The following INHBA variants were observed in gnomAD, a reference collection of about 807,000 sequenced individuals.
INHBA encodes inhibin beta A chain.
Under a neutral mutation model 29.0 loss-of-function variants are expected in INHBA, and 1 was observed. The observed-to-expected ratio is 0.03, with a 90% CI of 0.01 to 0.16. The LOEUF (loss-of-function observed/expected upper bound fraction) is 0.16, where lower values mean the gene tolerates loss of function less well. Among genes scored for constraint, INHBA ranks in the 10% least tolerant of loss-of-function variants. The probability of loss-of-function intolerance (pLI) is 1.00; values close to 1 mark genes in which losing one functional copy is unlikely to be tolerated. For synonymous variants in INHBA, 242 were observed against 216.8 expected (o/e 1.12, Z -1.02); for missense variants, 376 against 545.4 (o/e 0.69, Z 3.09).
intron 2 of INHBA, 50 bp downstream of exon 2, chr7:41,699,937 A>ACCCCCC: frequency 3.9e-6 from 1 of 255,224 alleles, no homozygotes; most frequent in Admixed American, 4.4e-5. Context: ...AATATATTTT[A>ACCCCCC]CCCTCCCACC....
At chr7:41,690,594 C>A (rs1473115718) in intron 2 of INHBA, 52 bp from the exon 3 acceptor site, 1 of 1,481,324 alleles carries the variant, frequency 6.8e-7, no homozygotes. Context: ...TTAATTCCAA[C>A]ATTTACATGC....
At chr7:41,701,711 A>G (rs1794800615) in intron 1 of INHBA, among the ~76,000 whole-genome samples, 1 of 152,178 alleles carries the variant, frequency 6.6e-6, no homozygotes, top group Non-Finnish European at 1.5e-5. Flanking sequence ...CTTTTATAAA[A>G]AGAGTGCACT....
At position 41,700,411 on chromosome 7, in the gene INHBA, A is replaced by C. The variant is rs1310190027; in HGVS notation, c.-37T>G. 8.6e-6 allele frequency: 12 copies of C among 1,396,704 alleles called. No individual in the cohort carries two copies. Among genetic ancestry groups the C allele is most frequent in the Non-Finnish European group, 1.0e-5 (11 of 1,073,200 alleles). 86.5% of individuals were successfully genotyped at this position (1,396,704 alleles called of 1,614,324 possible). A position where few individuals can be genotyped will look rare whatever the true frequency, so the allele number is the denominator to read the frequency against. ...AAGTTGTTGTGATTGCCTTTTTAAA[A>C]GGCCCTGCTTTTCCTCCCCCCTCAC... On this transcript the variant is annotated 5_prime_UTR_variant, in exon 2 of 3. Transcript: ENST00000242208.
At chr7:41,691,747 T>G (rs1205951546) in intron 2 of INHBA, 1 of 152,298 alleles carries the variant, frequency 6.6e-6, no homozygotes, top group Non-Finnish European at 1.5e-5. Flanking sequence ...TGGTTTAGAA[T>G]GCCCGGGGTC....
intron 2 of INHBA, among the ~76,000 whole-genome samples, chr7:41,697,945 T>C (rs1474548566): frequency 6.6e-6 from 1 of 152,106 alleles, no homozygotes; most frequent in Non-Finnish European, 1.5e-5. Flanking sequence ...AAATAAGCAA[T>C]TGTAATAAGT....
rs373351499 is a variant in INHBA at position 41,690,223 on chromosome 7, G to A, written c.708C>T (p.Ser236=). 18 of 1,613,848 alleles carry A rather than the reference G, an allele frequency of 1.1e-5. No individual in the cohort carries two copies. The African/African-American group carries it at 2.4e-4, about 22-fold the overall frequency. Residue 236 remains serine (S), a synonymous_variant, in exon 3 of 3, where the codon AGC becomes AGT. Transcript: ENST00000242208. ...CACAGGCAATCCGAACGTCCAGGGA[G>A]CTCTTGCCCTGGTCCAGCAACCGCT... ...SIQRLLDQGK[S]SLDVRIACEQ...
Position 41,690,032 on chromosome 7 carries a change from G to T in INHBA, c.899C>A (p.Ser300Tyr). 6.2e-7 allele frequency: 1 copy of T among 1,614,098 alleles called. No homozygotes were observed. Among genetic ancestry groups the T allele is most frequent in the East Asian group, 2.2e-5 (1 of 44,842 alleles). Residue 300 changes from serine (S) to tyrosine (Y), a missense_variant, in exon 3 of 3, where the codon TCT becomes TAT. Around this residue, in one of 4 missense-constraint regions of INHBA, gnomAD observed 253 missense variants for 313.4 expected, o/e 0.81. Transcript: ENST00000242208. ...RPFLMLQARQSEDHPHRRRRR... is the reference protein window; with the variant it reads ...RPFLMLQARQYEDHPHRRRRR... ...ACGCCGGCGATGAGGGTGGTCTTCA[G>T]ACTGCCGGGCCTGCAGCATGAGGAA...
At chr7:41,700,847 G>GAGAGAGAGAGAA (rs1794771169) in intron 1 of INHBA, among the ~76,000 whole-genome samples, 1 of 75,172 alleles carries the variant, frequency 1.3e-5, no homozygotes, top group Admixed American at 1.0e-4. Context: ...AAGGAAGAGA[G>GAGAGAGAGAGAA]AGAGAGAGAG....
chr7:41,689,617 C>T lies in INHBA; in HGVS notation c.*33G>A. 4 of 1,503,308 alleles carry T rather than the reference C, an allele frequency of 2.7e-6. No individual in the cohort carries two copies. The highest frequency in any genetic ancestry group is 3.5e-6 in the Non-Finnish European group (4 of 1,129,358). The allele number at this position is 1,503,308 out of a possible 1,614,324, so 93.1% of individuals were successfully genotyped here. A position where few individuals can be genotyped will look rare whatever the true frequency, so the allele number is the denominator to read the frequency against. ...TTTTGCCACTGTCTTCTCTGGACAA[C>T]TCTTGCTCCCTTTCCCCCTGGGCTG... is the stretch of plus-strand genomic sequence containing the variant. On this transcript the variant is annotated 3_prime_UTR_variant, in exon 3 of 3. Transcript: ENST00000242208.
chr7:41,689,916 T>G lies in INHBA; in HGVS notation c.1015A>C (p.Ile339Leu). Reference protein sequence around the residue: ...SFKDIGWNDWIIAPSGYHANY... With the variant: ...SFKDIGWNDWLIAPSGYHANY... ...GCATGATAGCCAGAGGGAGCAATGA[T>G]CCAGTCATTCCAGCCGATGTCCTTG... The change falls in exon 3 of 3, where the codon ATC becomes CTC. Residue 339 changes from isoleucine to leucine, a missense_variant. Physicochemically the swap from Ile to Leu is conservative, Grantham distance 5 (BLOSUM62 2). Transcript: ENST00000242208. 1.2e-6 allele frequency: 2 copies of G among 1,613,992 alleles called. No individual in the cohort carries two copies. Among genetic ancestry groups the G allele is most frequent in the Non-Finnish European group, 1.7e-6 (2 of 1,180,040 alleles).
Position 41,690,213 on chromosome 7 carries a change from C to T in INHBA, c.718G>A (p.Val240Ile), listed in dbSNP as rs1229001644. Reference protein sequence around the residue: ...LLDQGKSSLDVRIACEQCQES... With the variant: ...LLDQGKSSLDIRIACEQCQES... ...TGGCACTGCTCACAGGCAATCCGAA[C>T]GTCCAGGGAGCTCTTGCCCTGGTCC... Residue 240 changes from valine to isoleucine, a missense_variant, in exon 3 of 3, where the codon GTT (valine) becomes ATT (isoleucine). By Grantham distance (29) the Val-to-Ile change is conservative. Transcript: ENST00000242208. 5 of 1,614,042 alleles carry T rather than the reference C, an allele frequency of 3.1e-6. No individual in the cohort carries two copies. The highest frequency in any genetic ancestry group is 1.3e-5 in the African/African-American group (1 of 75,026).
In INHBA at chr7:41,685,328, A is replaced by G. The variant is rs544079404; in HGVS notation, c.*4322T>C. 10 of 152,258 alleles carry G rather than the reference A, an allele frequency of 6.6e-5. No homozygotes were observed. Among genetic ancestry groups the G allele is most frequent in the Non-Finnish European group, 1.3e-4 (9 of 67,972 alleles). The allele number at this position is 152,258 out of a possible 1,614,324, so 9.4% of individuals were successfully genotyped here. On this transcript the variant is annotated 3_prime_UTR_variant, in exon 3 of 3. Transcript: ENST00000242208. ...TAAACATATTGTAAATAAAAAAATT[A>G]CCAGTACTTCTACACAATAAATATT... is the stretch of plus-strand genomic sequence containing the variant.
rs552665722 is a variant in INHBA at position 41,700,430 on chromosome 7, C to G, written c.-56G>C. On this transcript the variant is annotated 5_prime_UTR_variant, in exon 2 of 3. Coordinates refer to ENST00000242208, the MANE Select transcript of INHBA (RefSeq NM_002192.4). Reference sequence around the variant, plus strand: ...TTTAAAAGGCCCTGCTTTTCCTCCCCCCTCACGCGCAGGTTTTTTTGTGTG... The same window carrying G: ...TTTAAAAGGCCCTGCTTTTCCTCCCGCCTCACGCGCAGGTTTTTTTGTGTG... 83 of 1,354,710 alleles carry G rather than the reference C, an allele frequency of 6.1e-5. No homozygotes were observed. The South Asian group carries it at 1.6e-3, about 25-fold the overall frequency. The allele number at this position is 1,354,710 out of a possible 1,614,324, so 83.9% of individuals were successfully genotyped here.
Position 41,689,866 on chromosome 7 carries a change from C to T in INHBA, c.1065G>A (p.Pro355=), listed in dbSNP as rs778119642. ...YHANYCEGEC[P]SHIAGTSGSS... ...ACCCGGACGTGCCTGCTATATGGCTCGGGCACTCACCCTCGCAGTAGTTGG... is the reference window on the plus strand; with the variant it reads ...ACCCGGACGTGCCTGCTATATGGCTTGGGCACTCACCCTCGCAGTAGTTGG... The change falls in exon 3 of 3, where the codon CCG becomes CCA. Residue 355 remains proline, a synonymous_variant. Coordinates refer to ENST00000242208, the MANE Select transcript of INHBA (RefSeq NM_002192.4). The T allele has an allele frequency of 9.3e-6, 15 of 1,614,010 alleles. No individual in the cohort carries two copies. The highest frequency in any genetic ancestry group is 2.7e-5 in the African/African-American group (2 of 75,014).
At chr7:41,705,218 C>A (rs1432411693), upstream of INHBA, 1 of 153,314 alleles carries the variant, frequency 6.5e-6, no homozygotes, top group African/African-American at 2.4e-5. Context: ...TTCACTTCCC[C>A]CTCCCCCGGA....
Position 41,693,826 on chromosome 7 carries a change from C to G in INHBA, c.389-3284G>C, listed in dbSNP as rs1042322224. 11 of 152,148 alleles carry G rather than the reference C, an allele frequency of 7.2e-5. 1 individual carries two copies. Among genetic ancestry groups the G allele is most frequent in the Non-Finnish European group, 1.5e-5 (1 of 68,032 alleles). The allele number at this position is 152,148 out of a possible 1,614,324, so 9.4% of individuals were successfully genotyped here. ...ATTATCTGAATTGAAAGACTCTGTT[C>G]CCTGTATTTGCATCCACTGCCTGCG... On this transcript the variant is annotated intron_variant, in intron 2 of 2. Coordinates refer to ENST00000242208, the MANE Select transcript of INHBA (RefSeq NM_002192.4).
At chr7:41,701,252 T>C (rs1794788303) in intron 1 of INHBA, among the ~76,000 whole-genome samples, 1 of 151,874 alleles carries the variant, frequency 6.6e-6, no homozygotes, top group Non-Finnish European at 1.5e-5. Flanking sequence ...CCCTAGGTGG[T>C]AGAACGCCCA....
At position 41,685,727 on chromosome 7, in the gene INHBA, CTGAGACATGTGGTT is replaced by C. The variant is rs1266164794; in HGVS notation, c.*3909_*3922del. 1 of 152,052 alleles carries C rather than the reference CTGAGACATGTGGTT, an allele frequency of 6.6e-6. No individual in the cohort carries two copies. Among genetic ancestry groups the C allele is most frequent in the Non-Finnish European group, 1.5e-5 (1 of 67,970 alleles). The allele number at this position is 152,052 out of a possible 1,614,324, so 9.4% of individuals were successfully genotyped here. On this transcript the variant is annotated 3_prime_UTR_variant, in exon 3 of 3. Coordinates refer to ENST00000242208, the MANE Select transcript of INHBA (RefSeq NM_002192.4). The stretch of plus-strand genomic sequence containing the variant: ...GCATAAAAAATAAATAATAATATAG[CTGAGACATGTGGTT>C]TGCTTCTGCTCTTGAAGATGTGAAC...
intron 2 of INHBA, among the ~76,000 whole-genome samples, chr7:41,695,324 G>A (rs537628023): frequency 4.5e-4 from 68 of 152,326 alleles, no homozygotes; most frequent in Non-Finnish European, 6.0e-4. Flanking sequence ...TGTAAAAAGC[G>A]TCTGTTCCTT....
Sources: allele counts gnomAD v4.1 joint callset (sites outside exome capture counted in the v4.1 genomes callset), GRCh38; gene constraint gnomAD v4.1.1; regional missense constraint gnomAD v4.1.1; transcripts MANE v1.5; gene names NCBI Gene and HGNC (gene_info 2026-07-23, HGNC 2026-07-21).